The following PTPN4 variants were observed in gnomAD, a reference collection of about 807,000 sequenced individuals.
PTPN4 encodes protein tyrosine phosphatase non-receptor type 4, also known as tyrosine-protein phosphatase non-receptor type 4.
In PTPN4, 49 loss-of-function variants were observed where a neutral mutation model predicts 135.5. The ratio of observed to expected loss-of-function variants is 0.36; its 90% confidence interval spans 0.29 to 0.46. The LOEUF (loss-of-function observed/expected upper bound fraction) is 0.46, where lower values mean the gene tolerates loss of function less well. Ranked by LOEUF, PTPN4 falls within the 20% of genes least tolerant of loss-of-function variation. The pLI is 1.00. For synonymous variants in PTPN4, 333 were observed against 369.9 expected, an observed-to-expected ratio of 0.90 and a Z score of 1.14; for missense variants, 860 against 1,101.0, an observed-to-expected ratio of 0.78 and a Z score of 3.10.
intron 24 of PTPN4, among the ~76,000 whole-genome samples, chr2:119,963,216 C>T (rs1679394989): frequency 1.3e-5 from 2 of 152,176 alleles, no homozygotes; most frequent in Admixed American, 1.3e-4. Flanking sequence ...TAACCAGGAC[C>T]TTCTGACAGC....
intron 1 of PTPN4, among the ~76,000 whole-genome samples, chr2:119,793,593 T>C (rs932344318): frequency 5.9e-5 from 9 of 152,204 alleles, no homozygotes; most frequent in Middle Eastern, 6.3e-3. Flanking sequence ...GGGGAAGTGA[T>C]AAATGTCCGT....
At chr2:119,793,348 G>A (rs1691185803) in intron 1 of PTPN4, among the ~76,000 whole-genome samples, 1 of 152,176 alleles carries the variant, frequency 6.6e-6, no homozygotes, top group African/African-American at 2.4e-5. Flanking sequence ...CGGCTCCCAG[G>A]CAGTTAGACC....
At chr2:119,853,455 C>T (rs943699611) in intron 2 of PTPN4, among the ~76,000 whole-genome samples, 27 of 151,938 alleles carry the variant, frequency 1.8e-4, no homozygotes, top group African/African-American at 6.5e-4. Flanking sequence ...CTTTGGATAG[C>T]TTTTTTAGGT....
chr2:119,867,928 T>C (rs575441351), intron 3 of PTPN4, among the ~76,000 whole-genome samples: 51 of 152,334 alleles, frequency 3.3e-4, no homozygotes, highest in African/African-American at 1.2e-3. Context: ...TTTAATTCAT[T>C]ATTGCACTGG....
intron 2 of PTPN4, among the ~76,000 whole-genome samples, chr2:119,852,196 CCTT>C (rs1346042821): frequency 6.6e-6 from 1 of 152,192 alleles, no homozygotes; most frequent in Non-Finnish European, 1.5e-5. Context: ...AACCCTACCT[CCTT>C]CTTTTTTCCG....
chr2:119,933,268 A>G (rs1678932271), intron 14 of PTPN4, among the ~76,000 whole-genome samples: 1 of 152,246 alleles, frequency 6.6e-6, no homozygotes, highest in African/African-American at 2.4e-5. Flanking sequence ...TAACATACTT[A>G]GTTAACCCAT....
At chr2:119,966,401 G>C (rs1393680447) in intron 25 of PTPN4, among the ~76,000 whole-genome samples, 1 of 152,118 alleles carries the variant, frequency 6.6e-6, no homozygotes, top group Non-Finnish European at 1.5e-5. Context: ...TAGAGGTACA[G>C]GTGTACCACC....
rs1444369549 is a variant in PTPN4, at chr2:119,977,426, A to G, written c.*356A>G. ...ATCTCTGTTATACACCTGTATCATG[A>G]AAGCAAAAAGAAGTAAACATCAGGA... On this transcript the variant is annotated 3_prime_UTR_variant, in exon 27 of 27. Transcript: ENST00000263708. 6.0e-6 allele frequency: 1 copy of G among 167,426 alleles called. No homozygotes were observed. Among genetic ancestry groups the G allele is most frequent in the Non-Finnish European group, 1.3e-5 (1 of 78,804 alleles). The allele number at this position is 167,426 out of a possible 1,614,324, so 10.4% of individuals were successfully genotyped here. A position where few individuals can be genotyped will look rare whatever the true frequency, so the allele number is the denominator to read the frequency against.
At chr2:119,878,080 A>G (rs1470089293) in intron 5 of PTPN4, among the ~76,000 whole-genome samples, 1 of 152,190 alleles carries the variant, frequency 6.6e-6, no homozygotes, top group African/African-American at 2.4e-5. Flanking sequence ...GTGCACTAGC[A>G]TGTTGAGGCC....
chr2:119,820,031 T>A (rs953005709), intron 2 of PTPN4, among the ~76,000 whole-genome samples: 2 of 152,088 alleles, frequency 1.3e-5, no homozygotes, highest in African/African-American at 4.8e-5. Flanking sequence ...CCACCTAATT[T>A]AAAAAATTCT....
At chr2:119,760,560 C>T (rs1200709234) in intron 1 of PTPN4, among the ~76,000 whole-genome samples, 176 bp downstream of exon 1, 2 of 150,032 alleles carry the variant, frequency 1.3e-5, no homozygotes, top group Non-Finnish European at 2.9e-5. Context: ...CAAAAAAACG[C>T]TTTCTTTCCT....
At chr2:119,811,851 A>G (rs1676885534) in intron 2 of PTPN4, among the ~76,000 whole-genome samples, 2 of 151,690 alleles carry the variant, frequency 1.3e-5, no homozygotes, top group Non-Finnish European at 2.9e-5. Context: ...CTGTCTAGTT[A>G]CTCTTTTAGA....
intron 2 of PTPN4, among the ~76,000 whole-genome samples, chr2:119,842,305 T>A (rs1294950850): frequency 6.6e-6 from 1 of 152,242 alleles, no homozygotes; most frequent in Non-Finnish European, 1.5e-5. Context: ...TAATGAATTC[T>A]CTTTTGAGAG....
chr2:119,938,167 G>T, intron 15 of PTPN4, among the ~76,000 whole-genome samples: 1 of 127,930 alleles, frequency 7.8e-6, no homozygotes, highest in Admixed American at 9.9e-5. Flanking sequence ...TCACTCTGTC[G>T]CCCAGGCTGG....
At chr2:119,906,902 TAAAG>T (rs1484386276) in intron 10 of PTPN4, among the ~76,000 whole-genome samples, 3 of 152,270 alleles carry the variant, frequency 2.0e-5, no homozygotes, top group Admixed American at 2.0e-4. Flanking sequence ...AACCTGATCA[TAAAG>T]AAAAGCCTGA....
intron 19 of PTPN4, among the ~76,000 whole-genome samples, chr2:119,954,670 A>G (rs1029168482): frequency 2.6e-5 from 4 of 152,222 alleles, no homozygotes; most frequent in Admixed American, 1.3e-4. Context: ...TACCATGACC[A>G]TGAATTCTGG....
At position 119,918,228 on chromosome 2, in the gene PTPN4, G is replaced by A. The variant is rs775446760; in HGVS notation, c.829-1841G>A. Among the ~76,000 whole-genome samples, 17 of 152,056 alleles carry A rather than the reference G, an allele frequency of 1.1e-4. 1 individual carries two copies. The highest frequency in any genetic ancestry group is 3.3e-4 in the Admixed American group (5 of 15,262). ...TGATAGTTTAATACTTTATACATGG[G>A]CATTTATTTGTGTATTAGTCACAGG... On this transcript the variant is annotated intron_variant, in intron 11 of 26. Transcript: ENST00000263708.
At chr2:119,838,346 G>A (rs1677327523) in intron 2 of PTPN4, among the ~76,000 whole-genome samples, 1 of 152,032 alleles carries the variant, frequency 6.6e-6, no homozygotes, top group South Asian at 2.1e-4. Context: ...TCAGGCAGAA[G>A]GTGCCGCCAG....
intron 11 of PTPN4, among the ~76,000 whole-genome samples, chr2:119,919,389 A>G (rs1035963081): frequency 6.6e-6 from 1 of 152,184 alleles, no homozygotes; most frequent in African/African-American, 2.4e-5. Context: ...AAAAGTTGTG[A>G]TGATATATTT....
Sources: gnomAD v4.1 joint callset for allele counts (sites outside exome capture counted in the v4.1 genomes callset) on GRCh38, gnomAD v4.1.1 for gene constraint, MANE v1.5 for transcripts, NCBI Gene and HGNC (gene_info 2026-07-23, HGNC 2026-07-21) for gene names.